NLGN1: variants seen among roughly 807,000 people sequenced by gnomAD.
The protein encoded by NLGN1 is neuroligin 1.
A neutral mutation model predicts 65.5 loss-of-function variants in NLGN1; 12 were observed. That is an observed-to-expected ratio of 0.18 (90% CI 0.12 to 0.30). The LOEUF is 0.30. Ranked by LOEUF, NLGN1 falls within the 10% of genes least tolerant of loss-of-function variation. NLGN1 has a pLI of 1.00. For synonymous variants in NLGN1, 350 were observed against 359.5 expected (o/e 0.97, Z 0.30); for missense variants, 750 against 1,007.1 (o/e 0.74, Z 3.46).
chr3:173,421,308 G>A (rs1410996311), intron 1 of NLGN1, among the ~76,000 whole-genome samples: 3 of 151,816 alleles, frequency 2.0e-5, no homozygotes, highest in Non-Finnish European at 4.4e-5. Context: ...CCATTTAAAA[G>A]TAAGTTGCCC....
intron 4 of NLGN1, among the ~76,000 whole-genome samples, chr3:174,123,657 CAT>C (rs941934532): frequency 7.9e-5 from 12 of 152,206 alleles, no homozygotes; most frequent in South Asian, 6.2e-4. Context: ...TTCCATGCCT[CAT>C]ACACTGGTGA....
At chr3:173,975,114 C>A (rs1717136022) in intron 4 of NLGN1, among the ~76,000 whole-genome samples, 1 of 152,018 alleles carries the variant, frequency 6.6e-6, no homozygotes, top group Admixed American at 6.6e-5. Flanking sequence ...TGGATTGTAA[C>A]CACTTTTGTA....
chr3:174,138,016 A>G (rs1346193006), intron 4 of NLGN1, among the ~76,000 whole-genome samples: 1 of 152,192 alleles, frequency 6.6e-6, no homozygotes, highest in African/African-American at 2.4e-5. Context: ...TTTGACTCGA[A>G]GTTAGAAATG....
intron 2 of NLGN1, among the ~76,000 whole-genome samples, chr3:173,475,418 G>A (rs557943202): frequency 5.0e-4 from 76 of 152,112 alleles, no homozygotes; most frequent in Admixed American, 4.2e-3. Flanking sequence ...TGATTACTGA[G>A]CTCTCTAACA....
At chr3:173,583,003 C>A (rs1746645450) in intron 2 of NLGN1, among the ~76,000 whole-genome samples, 1 of 152,140 alleles carries the variant, frequency 6.6e-6, no homozygotes, top group Non-Finnish European at 1.5e-5. Flanking sequence ...TCCCTCAGTG[C>A]TTTCTGATGT....
intron 2 of NLGN1, among the ~76,000 whole-genome samples, chr3:173,485,204 A>C (rs1372964326): frequency 6.6e-6 from 1 of 151,854 alleles, no homozygotes; most frequent in East Asian, 1.9e-4. Context: ...AGCCTGGGAA[A>C]GACCCGCCCC....
chr3:173,762,823 T>C (rs948826770), intron 3 of NLGN1, among the ~76,000 whole-genome samples: 1 of 151,806 alleles, frequency 6.6e-6, no homozygotes, highest in Non-Finnish European at 1.5e-5. Context: ...GATTAGGAAA[T>C]ATAAAAGGAG....
At chr3:173,880,398 A>C (rs1732983354) in intron 4 of NLGN1, among the ~76,000 whole-genome samples, 1 of 151,696 alleles carries the variant, frequency 6.6e-6, no homozygotes, top group Non-Finnish European at 1.5e-5. Flanking sequence ...TTAATAAATA[A>C]AAATAATATA....
intron 2 of NLGN1, among the ~76,000 whole-genome samples, chr3:173,560,176 C>T (rs985344860): frequency 1.3e-5 from 2 of 152,070 alleles, no homozygotes; most frequent in Non-Finnish European, 2.9e-5. Flanking sequence ...CGTGATCCGC[C>T]CGCCTCGGCC....
chr3:173,710,469 C>G (rs532262100), intron 3 of NLGN1, among the ~76,000 whole-genome samples: 1 of 152,010 alleles, frequency 6.6e-6, no homozygotes, highest in East Asian at 1.9e-4. Context: ...TTAAATGCAA[C>G]GTTTCTGAAT....
chr3:173,562,503 G>T (rs1742910292), intron 2 of NLGN1, among the ~76,000 whole-genome samples: 1 of 151,824 alleles, frequency 6.6e-6, no homozygotes, highest in East Asian at 1.9e-4. Flanking sequence ...GGAGGCAGAG[G>T]TTGCAGTGAG....
intron 4 of NLGN1, among the ~76,000 whole-genome samples, chr3:174,039,774 G>T (rs1380047090): frequency 6.6e-6 from 1 of 152,142 alleles, no homozygotes; most frequent in African/African-American, 2.4e-5. Flanking sequence ...GTTTGGAATC[G>T]TTTGTGTTTA....
chr3:173,810,003 A>G (rs528786069), intron 4 of NLGN1, among the ~76,000 whole-genome samples: 1 of 152,320 alleles, frequency 6.6e-6, no homozygotes, highest in East Asian at 1.9e-4. Context: ...TACACTGATA[A>G]CAAGCCAAAG....
chr3:174,195,186 C>T (rs1205487466), intron 4 of NLGN1, among the ~76,000 whole-genome samples: 2 of 152,132 alleles, frequency 1.3e-5, no homozygotes, highest in East Asian at 3.9e-4. Context: ...TACTCACAGT[C>T]ATAGCTAGAC....
intron 2 of NLGN1, among the ~76,000 whole-genome samples, chr3:173,539,473 A>G (rs1738074469): frequency 6.9e-6 from 1 of 145,424 alleles, no homozygotes; most frequent in African/African-American, 2.5e-5. Flanking sequence ...ATATGTATAT[A>G]CGCATATGCA....
chr3:173,564,143 C>T (rs1307705308), intron 2 of NLGN1, among the ~76,000 whole-genome samples: 1 of 152,226 alleles, frequency 6.6e-6, no homozygotes, highest in African/African-American at 2.4e-5. Flanking sequence ...CATAGGGCCT[C>T]TGCACTCACT....
chr3:173,710,869 CAG>C (rs1267884913), intron 3 of NLGN1, among the ~76,000 whole-genome samples: 1 of 152,102 alleles, frequency 6.6e-6, no homozygotes, highest in African/African-American at 2.4e-5. Flanking sequence ...CATAAGAAAA[CAG>C]ATTTCTGTGG....
At chr3:174,283,149 G>A (rs547528306) in exon 7 of NLGN1, 2 of 151,584 alleles carry the variant, frequency 1.3e-5, no homozygotes, top group East Asian at 2.0e-4. Context: ...AGAAAAAAAG[G>A]AAAAGAAGAA....
At chr3:173,662,237 A>G (rs1216850459) in intron 3 of NLGN1, among the ~76,000 whole-genome samples, 1 of 152,094 alleles carries the variant, frequency 6.6e-6, no homozygotes, top group African/African-American at 2.4e-5. Context: ...AGGCCCTTAC[A>G]GAGCTATTTA....
Sources: allele counts gnomAD v4.1 joint callset (sites outside exome capture counted in the v4.1 genomes callset), GRCh38; gene constraint gnomAD v4.1.1; transcripts MANE v1.5; gene names NCBI Gene and HGNC (gene_info 2026-07-23, HGNC 2026-07-21).